The following NFATC3 variants were observed in gnomAD, a reference collection of about 807,000 sequenced individuals.
The protein encoded by NFATC3 is nuclear factor of activated T-cells, cytoplasmic 3.
Under a neutral mutation model 98.6 loss-of-function variants are expected in NFATC3, and 46 were observed. That is an observed-to-expected ratio of 0.47 (90% CI 0.37 to 0.60). The LOEUF is 0.60. Ranked by LOEUF, NFATC3 falls within the 20% of genes least tolerant of loss-of-function variation. The probability of loss-of-function intolerance (pLI) is 0.00; values close to 1 mark genes in which losing one functional copy is unlikely to be tolerated. For synonymous variants in NFATC3, 512 were observed against 472.2 expected, an observed-to-expected ratio of 1.08 and a Z score of -1.09; for missense variants, 1,256 against 1,295.5, an observed-to-expected ratio of 0.97 and a Z score of 0.47.
intron 3 of NFATC3, among the ~76,000 whole-genome samples, chr16:68,156,600 A>G (rs2038629161): frequency 1.3e-5 from 2 of 152,182 alleles, no homozygotes; most frequent in Admixed American, 1.3e-4. Flanking sequence ...CTCAGTTGAT[A>G]GAGAAAAAAA....
In NFATC3 at chr16:68,184,868, G is replaced by A. The variant is rs541096893; in HGVS notation, c.2098+1502G>A. Among the ~76,000 whole-genome samples, 16 of 152,224 alleles carry A rather than the reference G, an allele frequency of 1.1e-4. No individual in the cohort carries two copies. In the South Asian group the frequency reaches 2.7e-3, roughly 26 times the overall value. On this transcript the variant is annotated intron_variant, in intron 8 of 9. Transcript: ENST00000346183. ...CACAAATAGTTTTTGTAAAGAGAGAGAAAGTTCTCTACAGAAACCTAGTAG... is the reference window on the plus strand; with the variant it reads ...CACAAATAGTTTTTGTAAAGAGAGAAAAAGTTCTCTACAGAAACCTAGTAG...
chr16:68,122,600 A>G lies in NFATC3; in HGVS notation c.717A>G (p.Gln239=), dbSNP rs780976615. The G allele has an allele frequency of 1.5e-5, 24 of 1,613,956 alleles. No homozygotes were observed. The African/African-American group carries it at 3.2e-4, about 22-fold the overall frequency. ...TTGGACACTCATTATCACCCAGGCA[A>G]TCTCCTTGCCACTCTCCTAGATCCA... ...YGLGHSLSPR[Q]SPCHSPRSSV... is the part of the protein sequence containing the mutation. The change falls in exon 2 of 10, where the codon CAA becomes CAG. Residue 239 remains glutamine (Q), a synonymous_variant. Transcript: ENST00000346183.
chr16:68,153,400 T>C (rs2038443166), intron 3 of NFATC3, among the ~76,000 whole-genome samples: 1 of 152,108 alleles, frequency 6.6e-6, no homozygotes, highest in Non-Finnish European at 1.5e-5. Context: ...CCAGCCTGGG[T>C]GACAGAGTGA....
intron 3 of NFATC3, among the ~76,000 whole-genome samples, chr16:68,154,559 A>G (rs1365857676): frequency 6.6e-6 from 1 of 152,184 alleles, no homozygotes; most frequent in East Asian, 1.9e-4. Flanking sequence ...TTAGTATAGG[A>G]TGTAGACAAG....
At chr16:68,093,898 G>A (rs981791210) in intron 1 of NFATC3, among the ~76,000 whole-genome samples, 1 of 152,102 alleles carries the variant, frequency 6.6e-6, no homozygotes, top group Non-Finnish European at 1.5e-5. Context: ...GGGTCATGTT[G>A]GGCATATGGA....
In NFATC3 at chr16:68,126,698, A is replaced by G. The variant is rs1202506938; in HGVS notation, c.1401+88A>G. ...ATTCAGTTAGGTACTAGAGAGTGCA[A>G]AGAGCATAAACTCAAAACTAGAGAG... On this transcript the variant is annotated intron_variant, in intron 3 of 9. Coordinates refer to ENST00000346183, the MANE Select transcript of NFATC3 (RefSeq NM_173165.3). 7.4e-6 allele frequency: 10 copies of G among 1,345,856 alleles called. No individual in the cohort carries two copies. In the East Asian group the frequency reaches 1.9e-4, roughly 25 times the overall value. 83.4% of individuals were successfully genotyped at this position (1,345,856 alleles called of 1,614,324 possible).
At chr16:68,107,815 A>G (rs1181394904) in intron 1 of NFATC3, among the ~76,000 whole-genome samples, 1 of 151,878 alleles carries the variant, frequency 6.6e-6, no homozygotes, top group African/African-American at 2.4e-5. Flanking sequence ...TTCTCTGATC[A>G]TCAGTGATGT....
chr16:68,183,057 G>T (rs1401359886), intron 7 of NFATC3, among the ~76,000 whole-genome samples, 183 bp from the exon 8 acceptor site: 2 of 152,154 alleles, frequency 1.3e-5, no homozygotes, highest in African/African-American at 4.8e-5. Flanking sequence ...TTGATTAAAA[G>T]ACTTACTCTT....
At position 68,176,750 on chromosome 16, in the gene NFATC3, T is replaced by C. The variant is rs997615078; in HGVS notation, c.1915+2236T>C. Among the ~76,000 whole-genome samples the C allele has an allele frequency of 3.9e-5, 6 of 152,172 alleles. No individual in the cohort carries two copies. The South Asian group carries it at 1.0e-3, about 26-fold the overall frequency. ...TTTTCTCCATTGGATCATTTTTCAT[T>C]TTCTTAGTGACTTAAGGAATTCTTT... is the stretch of plus-strand genomic sequence containing the variant. On this transcript the variant is annotated intron_variant, in intron 6 of 9. Coordinates refer to ENST00000346183, the MANE Select transcript of NFATC3 (RefSeq NM_173165.3).
intron 3 of NFATC3, among the ~76,000 whole-genome samples, chr16:68,140,938 C>G (rs140289728): frequency 6.6e-6 from 1 of 152,222 alleles, no homozygotes; most frequent in African/African-American, 2.4e-5. Flanking sequence ...TTCTGTCCTT[C>G]ACCCCCTCCT....
chr16:68,189,284 G>C (rs2040340344), intron 8 of NFATC3: 1 of 175,636 alleles, frequency 5.7e-6, no homozygotes, highest in Non-Finnish European at 1.2e-5. Flanking sequence ...AGATGATATT[G>C]GTTGTCCTTG....
intron 5 of NFATC3, among the ~76,000 whole-genome samples, chr16:68,171,819 G>A (rs1416241877): frequency 6.7e-5 from 10 of 149,968 alleles, no homozygotes; most frequent in Admixed American, 5.3e-4. Flanking sequence ...ATGGAGTCTC[G>A]CTGTTTCGCC....
In NFATC3 at chr16:68,122,624, C is replaced by T. The variant is rs1481611756; in HGVS notation, c.741C>T (p.Ser247=). The change falls in exon 2 of 10, where the codon TCC becomes TCT. Residue 247 remains serine (S), a synonymous_variant. Transcript: ENST00000346183. ...PRQSPCHSPR[S]SVTDENWLSP... ...AATCTCCTTGCCACTCTCCTAGATC[C>T]AGTGTCACTGATGAGAATTGGCTGA... 1 of 1,614,032 alleles carries T rather than the reference C, an allele frequency of 6.2e-7. No individual in the cohort carries two copies. Among genetic ancestry groups the T allele is most frequent in the African/African-American group, 1.3e-5 (1 of 74,916 alleles).
In NFATC3 at chr16:68,226,372, C is replaced by A; in HGVS notation, c.3129C>A (p.Asp1043Glu). The A allele has an allele frequency of 3.8e-6, 6 of 1,570,146 alleles. No homozygotes were observed. The highest frequency in any genetic ancestry group is 5.2e-6 in the Non-Finnish European group (6 of 1,163,006). ...CAGTGAACGAGATAATTGGGAGAGA[C>A]ATGTCCCAGATTTCTGTTTCCCAAG... ...LDDVNEIIGR[D>E]MSQISVSQGA... The change falls in exon 10 of 10, where the codon GAC becomes GAA. Residue 1043 changes from aspartate to glutamate, a missense_variant. Asp to Glu is a conservative substitution (Grantham distance 45, BLOSUM62 2). This residue lies in a region of NFATC3 where 636 missense variants were observed against 617.3 expected (regional missense o/e 1.03). Transcript: ENST00000346183.
chr16:68,207,885 A>G (rs1414503917), intron 9 of NFATC3, among the ~76,000 whole-genome samples: 2 of 151,866 alleles, frequency 1.3e-5, no homozygotes, highest in Non-Finnish European at 1.5e-5. Context: ...GTTATTTTCC[A>G]TTTTTAAAAT....
Position 68,191,007 on chromosome 16 carries a change from A to G in NFATC3, c.2338A>G (p.Met780Val), listed in dbSNP as rs773491597. 44 of 1,614,134 alleles carry G rather than the reference A, an allele frequency of 2.7e-5. No homozygotes were observed. The highest frequency in any genetic ancestry group is 3.6e-5 in the Non-Finnish European group (42 of 1,180,054). Residue 780 changes from methionine to valine, a missense_variant, in exon 9 of 10, where the codon ATG becomes GTG. Transcript: ENST00000346183. ...TGAGAGTGTTAGTAAAGAACAGCAT[A>G]TGATTCCTTCTCCAATTGTACACCA... ...RDESVSKEQH[M>V]IPSPIVHQPF... is the part of the protein sequence containing the mutation.
chr16:68,186,747 C>G (rs1272079294), intron 8 of NFATC3, among the ~76,000 whole-genome samples: 2 of 152,074 alleles, frequency 1.3e-5, no homozygotes, highest in African/African-American at 4.8e-5. Context: ...ATTGTAATAA[C>G]TTCTTAGTAT....
intron 1 of NFATC3, among the ~76,000 whole-genome samples, chr16:68,099,701 A>G (rs541793976): frequency 6.6e-6 from 1 of 152,036 alleles, no homozygotes; most frequent in Admixed American, 6.6e-5. Flanking sequence ...CTCTTCCCCA[A>G]CCCAGTCTCA....
intron 1 of NFATC3, among the ~76,000 whole-genome samples, chr16:68,091,279 C>T (rs2034692923): frequency 6.6e-6 from 1 of 152,064 alleles, no homozygotes; most frequent in South Asian, 2.1e-4. Context: ...GTATCTTAAG[C>T]GTTCAAGATA....
Sources: gnomAD v4.1 joint callset for allele counts (sites outside exome capture counted in the v4.1 genomes callset) on GRCh38, gnomAD v4.1.1 for gene constraint, gnomAD v4.1.1 regional missense constraint, MANE v1.5 for transcripts, NCBI Gene and HGNC (gene_info 2026-07-23, HGNC 2026-07-21) for gene names.